Variants in KIF9 observed in about 807,000 individuals in gnomAD.
The protein encoded by KIF9 is kinesin family member 9.
Under a neutral mutation model 94.8 loss-of-function variants are expected in KIF9, and 68 were observed. That is an observed-to-expected ratio of 0.72 (90% CI 0.59 to 0.88). The LOEUF (loss-of-function observed/expected upper bound fraction) is 0.88. Among genes scored for constraint, KIF9 ranks in the 40% least tolerant of loss-of-function variants. The pLI, the probability that KIF9 is intolerant of heterozygous loss-of-function variation, is 0.00. For synonymous variants in KIF9, 343 were observed against 362.1 expected, an observed-to-expected ratio of 0.95 and a Z score of 0.60; for missense variants, 882 against 982.5, an observed-to-expected ratio of 0.90 and a Z score of 1.37.
rs559747716 is a variant in KIF9 at position 47,234,845 on chromosome 3, C to CGTGCCCAGCCAGAGCCACT, written c.2322+667_2322+668insAGTGGCTCTGGCTGGGCAC. On this transcript the variant is annotated intron_variant, in intron 20 of 20. Coordinates refer to ENST00000684063, the MANE Select transcript of KIF9 (RefSeq NM_182902.4). ...TGCTGGGATTACAGGCGTGAGCCAC[C>CGTGCCCAGCCAGAGCCACT]GTGCCCAGCCATATACTTTCATGCT... 4.7e-3 allele frequency among the ~76,000 whole-genome samples: 706 copies of CGTGCCCAGCCAGAGCCACT among 150,998 alleles called. 2 individuals are homozygous for CGTGCCCAGCCAGAGCCACT. Among genetic ancestry groups the CGTGCCCAGCCAGAGCCACT allele is most frequent in the African/African-American group, 0.017 (676 of 40,336 alleles).
chr3:47,279,364 C>T (rs1173231440), intron 1 of KIF9, among the ~76,000 whole-genome samples: 1 of 150,700 alleles, frequency 6.6e-6, no homozygotes, highest in Non-Finnish European at 1.5e-5. Flanking sequence ...GTAATCTCAG[C>T]TACTCAGGAG....
intron 3 of KIF9, among the ~76,000 whole-genome samples, chr3:47,274,521 G>A (rs6778673): frequency 0.96 from 146,026 of 152,328 alleles, 70,316 homozygotes; most frequent in East Asian, 1. Context: ...TGGGACTGGT[G>A]GCAGGTTTTA....
intron 12 of KIF9, chr3:47,246,497 G>C (rs766744614): frequency 2.8e-5 from 8 of 290,050 alleles, no homozygotes; most frequent in Non-Finnish European, 5.1e-5. Context: ...CCTTTTCGAA[G>C]TGGAGACCTC....
intron 17 of KIF9, among the ~76,000 whole-genome samples, chr3:47,237,673 G>A (rs1432375584): frequency 6.6e-6 from 1 of 152,222 alleles, no homozygotes; most frequent in Non-Finnish European, 1.5e-5. Context: ...GTGACCTGAG[G>A]TGTGTGGCTG....
intron 3 of KIF9, among the ~76,000 whole-genome samples, chr3:47,275,040 T>A (rs773970225): frequency 1.3e-5 from 2 of 152,196 alleles, no homozygotes; most frequent in Non-Finnish European, 2.9e-5. Context: ...AAGACGTATC[T>A]TCAAAACTAA....
In KIF9 at chr3:47,243,168, T is replaced by C; in HGVS notation, c.1592A>G (p.Gln531Arg). 6.2e-7 allele frequency: 1 copy of C among 1,614,000 alleles called. No homozygotes were observed. The highest frequency in any genetic ancestry group is 1.3e-5 in the African/African-American group (1 of 75,038). ...CCCATCTTTGGAGGATGGGACCAGC[T>C]GGGTCTTGGAGGTGGAAACGTAATC... ...DLDYVSTSKTQLVPSSKDGDV... is the reference protein window; with the variant it reads ...DLDYVSTSKTRLVPSSKDGDV... Residue 531 changes from glutamine (Q) to arginine (R), a missense_variant, in exon 16 of 21, where the codon CAG becomes CGG. Coordinates refer to ENST00000684063, the MANE Select transcript of KIF9 (RefSeq NM_182902.4).
chr3:47,269,062 C>T (rs1701469095), intron 5 of KIF9, among the ~76,000 whole-genome samples: 1 of 152,148 alleles, frequency 6.6e-6, no homozygotes, highest in Non-Finnish European at 1.5e-5. Flanking sequence ...GTGTGAGACA[C>T]CGCGCCTGGC....
intron 10 of KIF9, among the ~76,000 whole-genome samples, chr3:47,257,248 G>A (rs1166699104): frequency 1.3e-5 from 2 of 151,802 alleles, no homozygotes; most frequent in Non-Finnish European, 2.9e-5. Context: ...AGTTCTTTAG[G>A]CCTCACATGT....
chr3:47,264,603 A>AT (rs946381425), intron 8 of KIF9, among the ~76,000 whole-genome samples: 6 of 151,974 alleles, frequency 3.9e-5, no homozygotes, highest in East Asian at 1.9e-4. Context: ...CACCTGGCTA[A>AT]TTTTTTTTGT....
chr3:47,274,539 G>C (rs751168251), intron 3 of KIF9, among the ~76,000 whole-genome samples: 9 of 152,220 alleles, frequency 5.9e-5, no homozygotes, highest in Non-Finnish European at 8.8e-5. Context: ...TTACACAAGC[G>C]ATCCTGATTC....
At chr3:47,258,693 C>T (rs188007424) in intron 9 of KIF9, among the ~76,000 whole-genome samples, 11 of 152,248 alleles carry the variant, frequency 7.2e-5, no homozygotes, top group African/African-American at 2.4e-4. Context: ...CCATGTAAGA[C>T]GTCTTCTCCT....
chr3:47,257,608 G>T, intron 9 of KIF9, 48 bp from the exon 10 acceptor site: 1 of 1,509,598 alleles, frequency 6.6e-7, no homozygotes. Context: ...ACTAAAGTGA[G>T]ACCCCAAGAG....
chr3:47,248,387 C>T (rs756383596), intron 10 of KIF9, among the ~76,000 whole-genome samples: 10 of 152,272 alleles, frequency 6.6e-5, no homozygotes, highest in Admixed American at 1.3e-4. Flanking sequence ...GGGCCCCAGG[C>T]TCCTTCCAGT....
intron 5 of KIF9, among the ~76,000 whole-genome samples, chr3:47,270,566 CAT>C (rs929667466): frequency 4.6e-5 from 7 of 151,874 alleles, no homozygotes; most frequent in African/African-American, 1.7e-4. Flanking sequence ...TATTTTTTTC[CAT>C]ACAAGAGCTC....
At chr3:47,247,518 C>T in intron 11 of KIF9, 41 bp from the exon 12 acceptor site, 5 of 1,488,602 alleles carry the variant, frequency 3.4e-6, no homozygotes, top group Non-Finnish European at 4.7e-6. Context: ...GCAACAAGAA[C>T]CTGAGCCCAC....
chr3:47,246,180 G>A lies in KIF9; in HGVS notation c.1289+17C>T. 1 of 1,609,392 alleles carries A rather than the reference G, an allele frequency of 6.2e-7. No homozygotes were observed. The highest frequency in any genetic ancestry group is 1.1e-5 in the South Asian group (1 of 90,744). On this transcript the variant is annotated intron_variant, in intron 13 of 20. Coordinates refer to ENST00000684063, the MANE Select transcript of KIF9 (RefSeq NM_182902.4). ...GCAGCCTGATGTAGGAATGAGGTAG[G>A]GGTGGGGGTCTCTCACCTCAGAACC...
In KIF9 at chr3:47,277,092, C is replaced by T. The variant is rs370378343; in HGVS notation, c.93+190G>A. On this transcript the variant is annotated intron_variant, in intron 2 of 20. Transcript: ENST00000684063. ...GGTAAAATTATTAAAAGACAATTAA[C>T]GATGGGATTTTATTAATTTCTTCAT... is the stretch of plus-strand genomic sequence containing the variant. 4.2e-4 allele frequency: 171 copies of T among 405,888 alleles called. 3 individuals are homozygous for T. Among genetic ancestry groups the T allele is most frequent in the African/African-American group, 2.6e-3 (126 of 48,776 alleles). 25.1% of individuals were successfully genotyped at this position (405,888 alleles called of 1,614,324 possible). A position where few individuals can be genotyped will look rare whatever the true frequency, so the allele number is the denominator to read the frequency against.
At chr3:47,247,868 G>A in intron 11 of KIF9, 150 bp downstream of exon 11, 1 of 703,946 alleles carries the variant, frequency 1.4e-6, no homozygotes, top group Non-Finnish European at 2.5e-6. Context: ...ATGGACCCTT[G>A]CTGCTGCCCC....
chr3:47,281,981 T>C (rs1306452148), intron 1 of KIF9, among the ~76,000 whole-genome samples: 1 of 152,176 alleles, frequency 6.6e-6, no homozygotes, highest in African/African-American at 2.4e-5. Context: ...TCCAAAACAC[T>C]GGGTCCAACT....
Sources: gnomAD v4.1 joint callset for allele counts (sites outside exome capture counted in the v4.1 genomes callset) on GRCh38, gnomAD v4.1.1 for gene constraint, MANE v1.5 for transcripts, NCBI Gene and HGNC (gene_info 2026-07-23, HGNC 2026-07-21) for gene names.